The following RBPMS variants were observed in gnomAD, a reference collection of about 807,000 sequenced individuals.
The protein encoded by RBPMS is RNA binding protein, mRNA processing factor.
RBPMS carries 7 observed loss-of-function variants against 26.8 expected under a neutral mutation model. That is an observed-to-expected ratio of 0.26 (90% CI 0.15 to 0.49). The LOEUF (loss-of-function observed/expected upper bound fraction) is 0.49, where lower values mean the gene tolerates loss of function less well. RBPMS is among the 20% of genes least tolerant of loss of function. The probability of loss-of-function intolerance (pLI) is 0.98; values close to 1 mark genes in which losing one functional copy is unlikely to be tolerated. For synonymous variants in RBPMS, 96 were observed against 93.3 expected, an observed-to-expected ratio of 1.03 and a Z score of -0.17; for missense variants, 186 against 250.0, an observed-to-expected ratio of 0.74 and a Z score of 1.73.
chr8:30,545,003 G>A, intron 6 of RBPMS: 1 of 1,445,254 alleles, frequency 6.9e-7, no homozygotes, highest in Non-Finnish European at 9.1e-7. Context: ...CTAGGAGAAG[G>A]GGATATGTGC....
At chr8:30,529,907 C>T (rs1464535514) in intron 5 of RBPMS, among the ~76,000 whole-genome samples, 3 of 152,018 alleles carry the variant, frequency 2.0e-5, no homozygotes, top group Non-Finnish European at 4.4e-5. Context: ...GCATGTGTCA[C>T]CACGCCTGGC....
Position 30,545,097 on chromosome 8 carries a change from G to C in RBPMS, c.528+473G>C, listed in dbSNP as rs185078214. The C allele has an allele frequency of 2.8e-5, 38 of 1,354,080 alleles. No individual in the cohort carries two copies. The Middle Eastern group carries it at 7.8e-4, about 28-fold the overall frequency. 83.9% of individuals were successfully genotyped at this position (1,354,080 alleles called of 1,614,324 possible). Reference sequence around the variant, plus strand: ...CTCTGACCAAAGGGAAAGCTTCCAGGGGGGAAGGCTGTACTTTCTTAAATA... The same window carrying C: ...CTCTGACCAAAGGGAAAGCTTCCAGCGGGGAAGGCTGTACTTTCTTAAATA... On this transcript the variant is annotated intron_variant, in intron 6 of 8. Coordinates refer to ENST00000397323, the MANE Select transcript of RBPMS (RefSeq NM_001008710.3).
At chr8:30,476,345 C>T (rs754660165) in intron 2 of RBPMS, among the ~76,000 whole-genome samples, 19 of 152,174 alleles carry the variant, frequency 1.2e-4, no homozygotes, top group Non-Finnish European at 2.5e-4. Context: ...CTTGAGAACA[C>T]AGTATATCCC....
intron 1 of RBPMS, among the ~76,000 whole-genome samples, chr8:30,418,428 T>C (rs1405899790): frequency 1.3e-5 from 2 of 152,162 alleles, no homozygotes; most frequent in African/African-American, 4.8e-5. Context: ...AAGAGGGCAT[T>C]TCATTGTTGT....
In RBPMS at chr8:30,527,368, C is replaced by T. The variant is rs140380150; in HGVS notation, c.398-17126C>T. ...TTTTCTGGGGTCTCCCAGCCTCACT[C>T]TGGGTGGAGTTTGTTCTTTCCTCAA... On this transcript the variant is annotated intron_variant, in intron 5 of 8. Coordinates refer to ENST00000397323, the MANE Select transcript of RBPMS (RefSeq NM_001008710.3). 7.0e-3 allele frequency among the ~76,000 whole-genome samples: 1,071 copies of T among 152,326 alleles called. 13 individuals carry two copies. The highest frequency in any genetic ancestry group is 0.024 in the African/African-American group (1,017 of 41,576).
At chr8:30,444,388 T>C (rs1813488018) in intron 1 of RBPMS, among the ~76,000 whole-genome samples, 1 of 152,194 alleles carries the variant, frequency 6.6e-6, no homozygotes, top group Non-Finnish European at 1.5e-5. Flanking sequence ...CCCAGTGAGT[T>C]TGCACCGCCC....
At chr8:30,486,557 C>T (rs1042019683) in intron 4 of RBPMS, among the ~76,000 whole-genome samples, 7 of 151,712 alleles carry the variant, frequency 4.6e-5, no homozygotes, top group African/African-American at 9.7e-5. Flanking sequence ...CGCTTGAACC[C>T]GGGAGATGGA....
chr8:30,565,130 G>T (rs1284895193), intron 7 of RBPMS: 1 of 152,166 alleles, frequency 6.6e-6, no homozygotes, highest in Non-Finnish European at 1.5e-5. Context: ...TTATTTTCCT[G>T]TTCTCAAGTA....
chr8:30,493,785 C>T (rs4733493), intron 4 of RBPMS, among the ~76,000 whole-genome samples: 151,902 of 152,304 alleles, frequency 1, 75,750 homozygotes, highest in Middle Eastern at 1. Context: ...CAAACAATCA[C>T]GCCCTCTCGA....
intron 1 of RBPMS, among the ~76,000 whole-genome samples, chr8:30,395,108 A>G (rs190120647): frequency 5.5e-4 from 1 of 1,826 alleles, no homozygotes; most frequent in African/African-American, 4.2e-3. Context: ...TTATTGCACA[A>G]ATTTTCTTTT....
chr8:30,431,992 A>C (rs1811989596), intron 1 of RBPMS, among the ~76,000 whole-genome samples: 1 of 151,760 alleles, frequency 6.6e-6, no homozygotes, highest in African/African-American at 2.4e-5. Flanking sequence ...GCCAGACATG[A>C]TGGCATATAT....
chr8:30,518,019 C>T (rs545846955), intron 5 of RBPMS, among the ~76,000 whole-genome samples: 15 of 152,214 alleles, frequency 9.9e-5, no homozygotes, highest in African/African-American at 3.4e-4. Context: ...GATATTGTGC[C>T]GCATTTAGGA....
chr8:30,490,846 T>G (rs1472157854), intron 4 of RBPMS, among the ~76,000 whole-genome samples: 1 of 152,180 alleles, frequency 6.6e-6, no homozygotes, highest in Non-Finnish European at 1.5e-5. Context: ...AGCACTGATT[T>G]CAGTTGTGTA....
At chr8:30,427,323 G>A (rs1811467582) in intron 1 of RBPMS, among the ~76,000 whole-genome samples, 1 of 152,214 alleles carries the variant, frequency 6.6e-6, no homozygotes. Context: ...GGGCATTGAT[G>A]TTGAAAGGGG....
At chr8:30,463,052 C>T (rs943436716) in intron 1 of RBPMS, among the ~76,000 whole-genome samples, 4 of 152,174 alleles carry the variant, frequency 2.6e-5, no homozygotes, top group Admixed American at 2.0e-4. Flanking sequence ...CTGTGTATAA[C>T]AGTTGCATGA....
At chr8:30,528,469 TGGTGG>T (rs1823844541) in intron 5 of RBPMS, among the ~76,000 whole-genome samples, 1 of 152,122 alleles carries the variant, frequency 6.6e-6, no homozygotes, top group Admixed American at 6.5e-5. Context: ...CCTGTGACCA[TGGTGG>T]GTCATTAGGT....
intron 1 of RBPMS, among the ~76,000 whole-genome samples, chr8:30,470,992 T>C (rs895077707): frequency 2.6e-5 from 4 of 152,224 alleles, no homozygotes; most frequent in African/African-American, 7.2e-5. Flanking sequence ...TGACTTTGTT[T>C]CTAGTCCCTT....
chr8:30,385,183 C>T, intron 1 of RBPMS, 25 bp downstream of exon 1: 12 of 1,452,178 alleles, frequency 8.3e-6, no homozygotes, highest in East Asian at 3.0e-5. Flanking sequence ...GGTGTGGTGG[C>T]GGGGGCGACG....
intron 1 of RBPMS, among the ~76,000 whole-genome samples, chr8:30,473,324 G>A (rs1426955253): frequency 1.3e-5 from 2 of 152,106 alleles, no homozygotes; most frequent in Non-Finnish European, 2.9e-5. Flanking sequence ...CCATCCTTTC[G>A]ATTCTTACTC....
Sources: gnomAD v4.1 joint callset for allele counts (sites outside exome capture counted in the v4.1 genomes callset) on GRCh38, gnomAD v4.1.1 for gene constraint, MANE v1.5 for transcripts, NCBI Gene and HGNC (gene_info 2026-07-23, HGNC 2026-07-21) for gene names.